Variants in CCNY observed in about 807,000 individuals in gnomAD.
CCNY encodes cyclin Y, also known as cyclin-Y.
CCNY carries 19 observed loss-of-function variants against 42.8 expected under a neutral mutation model. The observed-to-expected ratio is 0.44, with a 90% CI of 0.31 to 0.65. The LOEUF (loss-of-function observed/expected upper bound fraction) is 0.65, where lower values mean the gene tolerates loss of function less well. Among genes scored for constraint, CCNY ranks in the 30% least tolerant of loss-of-function variants. The pLI is 0.07. For synonymous variants in CCNY, 165 were observed against 162.7 expected (o/e 1.01, Z -0.11); for missense variants, 370 against 437.3 (o/e 0.85, Z 1.37).
chr10:35,418,139 T>A (rs1375933019), intron 1 of CCNY, among the ~76,000 whole-genome samples: 6 of 152,230 alleles, frequency 3.9e-5, no homozygotes, highest in Admixed American at 1.3e-4. Flanking sequence ...AGAGTTTATA[T>A]AACAGAACTG....
chr10:35,528,481 A>G (rs1840698917), intron 5 of CCNY, among the ~76,000 whole-genome samples: 2 of 152,194 alleles, frequency 1.3e-5, no homozygotes, highest in African/African-American at 2.4e-5. Context: ...AGGCAGGCGG[A>G]TCACGAGGTC....
intron 3 of CCNY, among the ~76,000 whole-genome samples, chr10:35,503,778 G>A (rs1840159637): frequency 1.3e-5 from 2 of 152,158 alleles, no homozygotes; most frequent in African/African-American, 4.8e-5. Flanking sequence ...TAGCCAAGTA[G>A]ACAGTGGAGC....
chr10:35,501,683 A>G (rs1342120539), intron 3 of CCNY, 148 bp downstream of exon 3: 2 of 702,568 alleles, frequency 2.8e-6, no homozygotes, highest in East Asian at 5.2e-5. Flanking sequence ...TTTGGTTTGT[A>G]ATTGGACAAG....
chr10:35,501,944 A>G (rs1029889628), intron 3 of CCNY, among the ~76,000 whole-genome samples: 6 of 152,172 alleles, frequency 3.9e-5, no homozygotes, highest in African/African-American at 1.4e-4. Context: ...CTGTCTCCAC[A>G]CTTGACTCTT....
At chr10:35,491,805 G>A (rs1481973062) in intron 2 of CCNY, among the ~76,000 whole-genome samples, 1 of 151,920 alleles carries the variant, frequency 6.6e-6, no homozygotes, top group African/African-American at 2.4e-5. Context: ...AGTAGAGATG[G>A]GGTTTCACCA....
At chr10:35,334,529 A>G (rs976058622), upstream of CCNY, among the ~76,000 whole-genome samples, 3 of 152,246 alleles carry the variant, frequency 2.0e-5, no homozygotes, top group African/African-American at 7.2e-5. Flanking sequence ...AGGAAAATCT[A>G]CACAGCCTCA....
intron 4 of CCNY, among the ~76,000 whole-genome samples, chr10:35,520,429 A>G (rs1010753683): frequency 5.9e-5 from 9 of 152,080 alleles, no homozygotes; most frequent in Admixed American, 4.6e-4. Context: ...ACCCTACTCC[A>G]GACATTAAAA....
Position 35,553,182 on chromosome 10 carries a change from A to T in CCNY, c.743A>T (p.Asp248Val). The change falls in exon 8 of 10, where the codon GAC (aspartate) becomes GTC (valine). Residue 248 changes from aspartate to valine, a missense_variant. By Grantham distance (152) the Asp-to-Val change is radical (BLOSUM62 -3). Transcript: ENST00000374704. Reference protein sequence around the residue: ...CQILKDITVEDMNELERQFLE... With the variant: ...CQILKDITVEVMNELERQFLE... ...ATCCTGAAAGACATCACGGTGGAGG[A>T]CATGTGAGTTGGGGGGCAGAGGGTG... 6.2e-7 allele frequency: 1 copy of T among 1,613,634 alleles called. No individual in the cohort carries two copies. Among genetic ancestry groups the T allele is most frequent in the Non-Finnish European group, 8.5e-7 (1 of 1,179,600 alleles).
chr10:35,310,269 G>A (rs1835668260), intron 3 of CCNY, among the ~76,000 whole-genome samples: 2 of 152,100 alleles, frequency 1.3e-5, no homozygotes, highest in African/African-American at 4.8e-5. Context: ...ATCTTTTATG[G>A]CTGAATAATA....
intron 1 of CCNY, among the ~76,000 whole-genome samples, chr10:35,361,740 T>C (rs761956733): frequency 2.6e-5 from 4 of 152,232 alleles, no homozygotes; most frequent in Non-Finnish European, 5.9e-5. Context: ...TACAAAGATA[T>C]ATAAGACATG....
intron 1 of CCNY, chr10:35,455,447 A>G (rs949397782): frequency 6.6e-6 from 1 of 152,220 alleles, no homozygotes; most frequent in African/African-American, 2.4e-5. Flanking sequence ...CTGAGCCAGC[A>G]TAGGGAGGCT....
At chr10:35,423,385 G>A (rs527585259) in intron 1 of CCNY, among the ~76,000 whole-genome samples, 82 of 151,824 alleles carry the variant, frequency 5.4e-4, no homozygotes, top group African/African-American at 1.9e-3. Context: ...TGAGGTCCGC[G>A]GATTACCTGA....
chr10:35,292,250 T>C (rs1296765491), intron 3 of CCNY, among the ~76,000 whole-genome samples: 1 of 152,246 alleles, frequency 6.6e-6, no homozygotes, highest in Non-Finnish European at 1.5e-5. Flanking sequence ...ATATTCTATA[T>C]ACAAGCCCCT....
At chr10:35,412,881 A>G (rs1033018697) in intron 1 of CCNY, among the ~76,000 whole-genome samples, 1 of 149,002 alleles carries the variant, frequency 6.7e-6, no homozygotes, top group African/African-American at 2.5e-5. Flanking sequence ...AAAAAAAAAA[A>G]AAAAAAAGAA....
At chr10:35,267,075 T>G (rs1356998075) in intron 3 of CCNY, among the ~76,000 whole-genome samples, 1 of 138,610 alleles carries the variant, frequency 7.2e-6, no homozygotes, top group Non-Finnish European at 1.6e-5. Context: ...AGAGTGAGAC[T>G]TCTGTCTCAA....
chr10:35,478,529 G>A (rs952603441), intron 1 of CCNY, among the ~76,000 whole-genome samples: 2 of 152,166 alleles, frequency 1.3e-5, no homozygotes, highest in Non-Finnish European at 2.9e-5. Context: ...AGAAAAACCA[G>A]CTATGGGGAA....
At chr10:35,452,568 A>C (rs1383785100) in intron 1 of CCNY, among the ~76,000 whole-genome samples, 1 of 152,124 alleles carries the variant, frequency 6.6e-6, no homozygotes, top group African/African-American at 2.4e-5. Context: ...TGGTGTTCAT[A>C]CTAGCCCCTT....
At chr10:35,464,938 G>T (rs991928344) in intron 1 of CCNY, among the ~76,000 whole-genome samples, 2 of 152,130 alleles carry the variant, frequency 1.3e-5, no homozygotes, top group African/African-American at 2.4e-5. Flanking sequence ...ATAGTTAAAA[G>T]ACCTAGTCAT....
intron 2 of CCNY, among the ~76,000 whole-genome samples, chr10:35,483,816 TA>T (rs2135368051): frequency 6.6e-6 from 1 of 152,348 alleles, no homozygotes; most frequent in African/African-American, 2.4e-5. Context: ...TTTGTTAATT[TA>T]GACAGTATGT....
Sources: gnomAD v4.1 joint callset for allele counts (sites outside exome capture counted in the v4.1 genomes callset) on GRCh38, gnomAD v4.1.1 for gene constraint, MANE v1.5 for transcripts, NCBI Gene and HGNC (gene_info 2026-07-23, HGNC 2026-07-21) for gene names.